The following SEMA3E variants were observed in gnomAD, a reference collection of about 807,000 sequenced individuals.
SEMA3E encodes semaphorin-3E.
A neutral mutation model predicts 93.6 loss-of-function variants in SEMA3E; 49 were observed. The observed-to-expected ratio is 0.52, with a 90% CI of 0.42 to 0.66. The LOEUF (loss-of-function observed/expected upper bound fraction) is 0.66, where lower values mean the gene tolerates loss of function less well. SEMA3E is among the 30% of genes least tolerant of loss of function. The pLI is 0.00. For missense variants in SEMA3E, 906 were observed against 964.8 expected (o/e 0.94, Z 0.81); for synonymous variants, 363 against 330.7 (o/e 1.10, Z -1.06).
intron 1 of SEMA3E, among the ~76,000 whole-genome samples, chr7:83,616,448 T>C (rs573777096): frequency 6.7e-4 from 102 of 152,118 alleles, no homozygotes; most frequent in Middle Eastern, 3.4e-3. Context: ...GGAACTATAT[T>C]TGACTTTTCA....
chr7:83,593,930 C>T (rs777202203), intron 1 of SEMA3E, among the ~76,000 whole-genome samples: 3 of 152,000 alleles, frequency 2.0e-5, no homozygotes, highest in Non-Finnish European at 4.4e-5. Context: ...ACTATAATTA[C>T]CTTCATATAA....
intron 4 of SEMA3E, among the ~76,000 whole-genome samples, chr7:83,427,322 A>G (rs182514052): frequency 8.8e-4 from 133 of 151,964 alleles, no homozygotes; most frequent in African/African-American, 3.0e-3. Flanking sequence ...AGTTTTCAAT[A>G]ATTTCATTGA....
At chr7:83,559,000 A>G (rs887884261) in intron 1 of SEMA3E, among the ~76,000 whole-genome samples, 9 of 152,064 alleles carry the variant, frequency 5.9e-5, no homozygotes, top group African/African-American at 2.2e-4. Flanking sequence ...TATAATTTTA[A>G]CCAGCTACAT....
At chr7:83,466,731 G>C in intron 3 of SEMA3E, 130 bp from the exon 4 acceptor site, 1 of 1,108,532 alleles carries the variant, frequency 9.0e-7, no homozygotes, top group Non-Finnish European at 1.3e-6. Context: ...AAGGAGGCAA[G>C]AGGGGTAGAA....
intron 1 of SEMA3E, among the ~76,000 whole-genome samples, chr7:83,622,757 A>G (rs1793591180): frequency 6.6e-6 from 1 of 152,182 alleles, no homozygotes; most frequent in African/African-American, 2.4e-5. Context: ...GCGTGTTCTC[A>G]CTTATAAGTG....
At chr7:83,598,520 A>G (rs1309977978) in intron 1 of SEMA3E, among the ~76,000 whole-genome samples, 2 of 152,190 alleles carry the variant, frequency 1.3e-5, no homozygotes, top group Non-Finnish European at 2.9e-5. Context: ...GCTTGCCCAT[A>G]TAGATAACTA....
intron 4 of SEMA3E, among the ~76,000 whole-genome samples, chr7:83,429,818 T>G (rs1258425368): frequency 6.6e-6 from 1 of 152,210 alleles, no homozygotes; most frequent in African/African-American, 2.4e-5. Context: ...ATTCGGTTTT[T>G]TGCTTATTCG....
At chr7:83,489,895 T>C (rs1790344983) in intron 2 of SEMA3E, among the ~76,000 whole-genome samples, 1 of 152,114 alleles carries the variant, frequency 6.6e-6, no homozygotes, top group Non-Finnish European at 1.5e-5. Flanking sequence ...GGCAAGAGTG[T>C]CTGGAAATCC....
chr7:83,648,654 G>GC lies in SEMA3E; in HGVS notation c.-113dup. ...CGAGAGGCTTTGTCAGAAATCGAACGCGTTGTCATCAGAAAGCACAGTTCC... is the reference window on the plus strand; with the variant it reads ...CGAGAGGCTTTGTCAGAAATCGAACGCCGTTGTCATCAGAAAGCACAGTTCC... On this transcript the variant is annotated 5_prime_UTR_variant, in exon 1 of 17. It removes the in-frame stop codon of an upstream open reading frame in the 5' UTR. Transcript: ENST00000643230. 1.3e-6 allele frequency: 1 copy of GC among 793,298 alleles called. No individual in the cohort carries two copies. The highest frequency in any genetic ancestry group is 1.4e-5 in the South Asian group (1 of 69,054). 49.1% of individuals were successfully genotyped at this position (793,298 alleles called of 1,614,324 possible).
At chr7:83,469,334 A>G (rs1789841463) in intron 2 of SEMA3E, 32 bp from the exon 3 acceptor site, 1 of 1,445,802 alleles carries the variant, frequency 6.9e-7, no homozygotes, top group Non-Finnish European at 9.7e-7. Context: ...TATTATGACA[A>G]CTGCATATAA....
chr7:83,565,060 AT>A (rs1394399139), intron 1 of SEMA3E, among the ~76,000 whole-genome samples: 1 of 152,350 alleles, frequency 6.6e-6, no homozygotes, highest in East Asian at 1.9e-4. Context: ...AGAGAATACT[AT>A]AAACACCTCT....
chr7:83,501,347 G>T (rs1002500742), intron 1 of SEMA3E, among the ~76,000 whole-genome samples: 1 of 152,068 alleles, frequency 6.6e-6, no homozygotes. Flanking sequence ...AATACATTTC[G>T]GTTTTATCTC....
intron 1 of SEMA3E, among the ~76,000 whole-genome samples, chr7:83,533,614 T>A (rs1791350661): frequency 1.3e-5 from 2 of 150,580 alleles, no homozygotes; most frequent in Admixed American, 6.6e-5. Context: ...ACAAGCAAAA[T>A]CATGAGGCAG....
chr7:83,367,606 T>C lies in SEMA3E; in HGVS notation c.2308A>G (p.Arg770Gly), dbSNP rs368305214. 2 of 1,614,158 alleles carry C rather than the reference T, an allele frequency of 1.2e-6. No homozygotes were observed. The highest frequency in any genetic ancestry group is 2.2e-5 in the South Asian group (2 of 91,084). ...CCCCATCAGGAGTCCAGCGTGTGCCTGGGCAGGCGGTAATGCTCAGGTTTG... is the reference window on the plus strand; with the variant it reads ...CCCCATCAGGAGTCCAGCGTGTGCCCGGGCAGGCGGTAATGCTCAGGTTTG... Reference protein sequence around the residue: ...RSKPEHYRLPRHTLDS With the variant: ...RSKPEHYRLPGHTLDS The change falls in exon 17 of 17, where the codon AGG becomes GGG. Residue 770 changes from arginine (R) to glycine (G), a missense_variant. Coordinates refer to ENST00000643230, the MANE Select transcript of SEMA3E (RefSeq NM_012431.3).
intron 1 of SEMA3E, among the ~76,000 whole-genome samples, chr7:83,592,209 G>A (rs1275111800): frequency 2.0e-5 from 3 of 151,584 alleles, no homozygotes; most frequent in South Asian, 2.1e-4. Context: ...AATGAAATTC[G>A]GACATCTTTT....
chr7:83,467,057 CTTTTTTTTTT>C (rs59059670), intron 3 of SEMA3E, among the ~76,000 whole-genome samples: 2 of 117,166 alleles, frequency 1.7e-5, no homozygotes, highest in Admixed American at 9.2e-5. Context: ...AATATGCAGT[CTTTTTTTTTT>C]TTTTTTTTTT....
chr7:83,609,640 A>G (rs538288128), intron 1 of SEMA3E, among the ~76,000 whole-genome samples: 2 of 152,036 alleles, frequency 1.3e-5, no homozygotes, highest in Non-Finnish European at 2.9e-5. Context: ...TATTGTGATC[A>G]ACGGTGATTA....
intron 1 of SEMA3E, among the ~76,000 whole-genome samples, chr7:83,608,220 A>G (rs1459955706): frequency 1.3e-5 from 2 of 152,054 alleles, no homozygotes; most frequent in African/African-American, 2.4e-5. Context: ...CTCAAAAAAA[A>G]GAAAAAAAAA....
At chr7:83,477,441 A>G (rs1790038455) in intron 2 of SEMA3E, among the ~76,000 whole-genome samples, 1 of 152,106 alleles carries the variant, frequency 6.6e-6, no homozygotes, top group Non-Finnish European at 1.5e-5. Flanking sequence ...ACACATTAAA[A>G]TAGTCTTAAT....
Sources: gnomAD v4.1 joint callset for allele counts (sites outside exome capture counted in the v4.1 genomes callset) on GRCh38, gnomAD v4.1.1 for gene constraint, MANE v1.5 for transcripts, NCBI Gene and HGNC (gene_info 2026-07-23, HGNC 2026-07-21) for gene names.